APOA1: variants seen among roughly 807,000 people sequenced by gnomAD.
APOA1 encodes apolipoprotein A1, also known as apolipoprotein A-I.
A neutral mutation model predicts 25.9 loss-of-function variants in APOA1; 22 were observed. That is an observed-to-expected ratio of 0.85 (90% confidence interval 0.61 to 1.21). The LOEUF (loss-of-function observed/expected upper bound fraction) is 1.21, where lower values mean the gene tolerates loss of function less well. Among genes scored for constraint, APOA1 ranks in the 50% most tolerant of loss-of-function variants. The pLI is 0.00. For synonymous variants in APOA1, 163 were observed against 152.2 expected (o/e 1.07, Z -0.52); for missense variants, 351 against 347.9 (o/e 1.01, Z -0.07).
In APOA1 at chr11:116,836,074, C is replaced by T; in HGVS notation, c.538G>A (p.Val180Met). The T allele has an allele frequency of 1.9e-6, 3 of 1,606,024 alleles. No individual in the cohort carries two copies. The highest frequency in any genetic ancestry group is 1.7e-5 in the Admixed American group (1 of 59,812). Residue 180 changes from valine (V) to methionine (M), a missense_variant, in exon 4 of 4, where the codon GTG (valine) becomes ATG (methionine). Coordinates refer to ENST00000236850, the MANE Select transcript of APOA1 (RefSeq NM_000039.3). ...EEMRDRARAH[V>M]DALRTHLAPY... ...GCCAGATGCGTGCGCAGCGCGTCCA[C>T]ATGGGCGCGCGCGCGGTCGCGCATC...
At chr11:116,836,494 G>T in intron 3 of APOA1, 83 bp from the exon 4 acceptor site, 1 of 1,563,520 alleles carries the variant, frequency 6.4e-7, no homozygotes, top group Non-Finnish European at 8.7e-7. Flanking sequence ...ACACCTGTCC[G>T]CGGAGGTGCA....
chr11:116,837,298 G>A (rs752569013), intron 2 of APOA1, 47 bp downstream of exon 2: 1 of 1,588,976 alleles, frequency 6.3e-7, no homozygotes, highest in Non-Finnish European at 8.6e-7. Context: ...GGGGATTTAG[G>A]GAGAAAGCCC....
intron 1 of APOA1, 74 bp downstream of exon 1, chr11:116,837,531 G>A: frequency 9.5e-7 from 1 of 1,049,820 alleles, no homozygotes; most frequent in South Asian, 1.5e-5. Context: ...CAGGTACCCA[G>A]AGGCCCGGCC....
Position 116,837,042 on chromosome 11 carries a change from A to C in APOA1, c.159T>G (p.Tyr53Ter), listed in dbSNP as rs1177384340. ...AGGCGGAGCCTTCAAACTGGGACAC[A>C]TAGTCTCTGCCGCTGTCTTTGAGCA... ...VDVLKDSGRD[Y>*]VSQFEGSALG... Residue 53 changes from tyrosine (Y) to a stop codon, truncating the protein, a stop_gained, in exon 3 of 4, where the codon TAT (tyrosine) becomes TAG (stop). Coordinates refer to ENST00000236850, the MANE Select transcript of APOA1 (RefSeq NM_000039.3). LOFTEE classifies it high-confidence loss of function. 1.2e-6 allele frequency: 2 copies of C among 1,614,196 alleles called. No homozygotes were observed. The highest frequency in any genetic ancestry group is 2.2e-5 in the East Asian group (1 of 44,890).
chr11:116,837,259 T>C, intron 2 of APOA1, 86 bp downstream of exon 2: 1 of 1,585,058 alleles, frequency 6.3e-7, no homozygotes, highest in Non-Finnish European at 8.6e-7. Context: ...GTGAGAAACC[T>C]GCTGCCTCTG....
rs1401699922 is a variant in APOA1, at chr11:116,836,430, G to A, written c.201-19C>T. Reference sequence around the variant, plus strand: ...CTTTAGGCTGGAGGGTGAGACAGAAGGGTTGAGGGCTGGCCTCCCAGCGCC... The same window carrying A: ...CTTTAGGCTGGAGGGTGAGACAGAAAGGTTGAGGGCTGGCCTCCCAGCGCC... On this transcript the variant is annotated intron_variant, in intron 3 of 3. Coordinates refer to ENST00000236850, the MANE Select transcript of APOA1 (RefSeq NM_000039.3). The A allele has an allele frequency of 1.9e-6, 3 of 1,612,962 alleles. No individual in the cohort carries two copies. Among genetic ancestry groups the A allele is most frequent in the South Asian group, 1.1e-5 (1 of 91,028 alleles).
At chr11:116,837,198 G>A (rs368387223) in intron 2 of APOA1, 41 bp from the exon 3 acceptor site, 3 of 1,608,520 alleles carry the variant, frequency 1.9e-6, no homozygotes, top group African/African-American at 2.7e-5. Context: ...CCAGCTGTGG[G>A]CTGAGATCTG....
In APOA1 at chr11:116,836,255, G is replaced by T. The variant is rs1941545954; in HGVS notation, c.357C>A (p.Ala119=). The change falls in exon 4 of 4, where the codon GCC becomes GCA. Residue 119 remains alanine (A), a synonymous_variant. Transcript: ENST00000236850. The part of the protein sequence containing the change: ...EMSKDLEEVK[A]KVQPYLDDFQ... Reference sequence around the variant, plus strand: ...AGTCGTCCAGGTAGGGCTGCACCTTGGCCTTCACCTCCTCCAGATCCTTGC... The same window carrying T: ...AGTCGTCCAGGTAGGGCTGCACCTTTGCCTTCACCTCCTCCAGATCCTTGC... 1 of 1,614,198 alleles carries T rather than the reference G, an allele frequency of 6.2e-7. No homozygotes were observed. Among genetic ancestry groups the T allele is most frequent in the Non-Finnish European group, 8.5e-7 (1 of 1,180,044 alleles).
rs1368725091 is a variant in APOA1 at position 116,836,239 on chromosome 11, G to A, written c.373C>T (p.Leu125=). The A allele has an allele frequency of 1.2e-6, 2 of 1,614,072 alleles. No individual in the cohort carries two copies. The highest frequency in any genetic ancestry group is 1.7e-5 in the Admixed American group (1 of 60,010). Residue 125 remains leucine (L), a synonymous_variant, in exon 4 of 4, where the codon CTG becomes TTG. Transcript: ENST00000236850. ...EEVKAKVQPY[L]DDFQKKWQEE... is the part of the protein sequence containing the mutation. ...TGCCACTTCTTCTGGAAGTCGTCCA[G>A]GTAGGGCTGCACCTTGGCCTTCACC...
chr11:116,836,256 G>T lies in APOA1; in HGVS notation c.356C>A (p.Ala119Asp), dbSNP rs749111893. ...GTCGTCCAGGTAGGGCTGCACCTTG[G>T]CCTTCACCTCCTCCAGATCCTTGCT... Reference protein sequence around the residue: ...EMSKDLEEVKAKVQPYLDDFQ... With the variant: ...EMSKDLEEVKDKVQPYLDDFQ... Residue 119 changes from alanine to aspartate, a missense_variant, in exon 4 of 4, where the codon GCC becomes GAC. Transcript: ENST00000236850. The T allele has an allele frequency of 6.2e-7, 1 of 1,614,142 alleles. No individual in the cohort carries two copies. Among genetic ancestry groups the T allele is most frequent in the Non-Finnish European group, 8.5e-7 (1 of 1,180,026 alleles).
In APOA1 at chr11:116,835,793, G is replaced by A. The variant is rs777027692; in HGVS notation, c.*15C>T. 1.9e-6 allele frequency: 3 copies of A among 1,612,910 alleles called. No homozygotes were observed. The highest frequency in any genetic ancestry group is 2.5e-6 in the Non-Finnish European group (3 of 1,179,984). On this transcript the variant is annotated 3_prime_UTR_variant, in exon 4 of 4. Transcript: ENST00000236850. ...TTTATTCTGAGCACCGGGAAGGGGG[G>A]CGGCGGCGGGCGCCTCACTGGGTGT...
In APOA1 at chr11:116,837,607, C is replaced by T; in HGVS notation, c.-23G>A. 1.6e-6 allele frequency: 1 copy of T among 614,074 alleles called. No homozygotes were observed. The highest frequency in any genetic ancestry group is 2.9e-6 in the Non-Finnish European group (1 of 343,022). The allele number at this position is 614,074 out of a possible 1,614,324, so 38.0% of individuals were successfully genotyped here. ...CCGGGGCAGGCAGCAGGACGCACCT[C>T]CTTCTCGCAGTCTCTAAGCAGCCAG... On this transcript the variant is annotated splice_region_variant and 5_prime_UTR_variant, in exon 1 of 4. Transcript: ENST00000236850.
At chr11:116,837,205 T>A (rs759380601) in intron 2 of APOA1, 48 bp from the exon 3 acceptor site, 7 of 1,608,822 alleles carry the variant, frequency 4.4e-6, no homozygotes, top group Non-Finnish European at 5.1e-6. Flanking sequence ...TGGGCTGAGA[T>A]CTGAGCCGAA....
At chr11:116,837,484 C>A in intron 1 of APOA1, 77 bp from the exon 2 acceptor site, 1 of 1,435,402 alleles carries the variant, frequency 7.0e-7, no homozygotes, top group Non-Finnish European at 9.6e-7. Flanking sequence ...CTCATTGCAG[C>A]CAGGTGAGGA....
rs1373700967 is a variant in APOA1, at chr11:116,837,101, G to A, written c.100C>T (p.Arg34Ter). 7.4e-6 allele frequency: 12 copies of A among 1,613,978 alleles called. No individual in the cohort carries two copies. Among genetic ancestry groups the A allele is most frequent in the Non-Finnish European group, 1.0e-5 (12 of 1,179,956 alleles). ...QDEPPQSPWD[R>*]VKDLATVYVD... ...TACACAGTGGCCAGGTCCTTCACTC[G>A]ATCCCAGGGGCTCTGGGGGGGTTCA... The change falls in exon 3 of 4, where the codon CGA (arginine) becomes TGA (stop). Residue 34 changes from arginine (R) to a stop codon, truncating the protein, a stop_gained. Transcript: ENST00000236850. LOFTEE classifies it high-confidence loss of function.
In APOA1 at chr11:116,836,057, C is replaced by T. The variant is rs143182884; in HGVS notation, c.555G>A (p.Thr185=). ...GCTCGTCGCTGTAGGGGGCCAGATG[C>T]GTGCGCAGCGCGTCCACATGGGCGC... is the stretch of plus-strand genomic sequence containing the variant. ...RARAHVDALR[T]HLAPYSDELR... is the part of the protein sequence containing the mutation. The change falls in exon 4 of 4, where the codon ACG becomes ACA. Residue 185 remains threonine, a synonymous_variant. Coordinates refer to ENST00000236850, the MANE Select transcript of APOA1 (RefSeq NM_000039.3). 1.9e-6 allele frequency: 3 copies of T among 1,605,018 alleles called. No homozygotes were observed. Among genetic ancestry groups the T allele is most frequent in the Admixed American group, 1.7e-5 (1 of 59,884 alleles).
At position 116,837,333 on chromosome 11, in the gene APOA1, G is replaced by T; in HGVS notation, c.43+12C>A. 1 of 1,573,008 alleles carries T rather than the reference G, an allele frequency of 6.4e-7. No homozygotes were observed. The highest frequency in any genetic ancestry group is 2.3e-5 in the East Asian group (1 of 42,960). Reference sequence around the variant, plus strand: ...CCCCGATGGTTGGCTCCCTAGGTTAGGGGACACCTACCCGTCAGGAAGAGC... The same window carrying T: ...CCCCGATGGTTGGCTCCCTAGGTTATGGGACACCTACCCGTCAGGAAGAGC... On this transcript the variant is annotated intron_variant, in intron 2 of 3. Coordinates refer to ENST00000236850, the MANE Select transcript of APOA1 (RefSeq NM_000039.3).
intron 3 of APOA1, 74 bp from the exon 4 acceptor site, chr11:116,836,485 C>A (rs948017721): frequency 5.7e-6 from 9 of 1,585,798 alleles, no homozygotes; most frequent in Non-Finnish European, 7.7e-6. Flanking sequence ...CCCTGGGTGA[C>A]ACCTGTCCGC....
Position 116,835,969 on chromosome 11 carries a change from C to T in APOA1, c.643G>A (p.Glu215Lys). Residue 215 changes from glutamate to lysine, a missense_variant, in exon 4 of 4, where the codon GAG (glutamate) becomes AAG (lysine). Transcript: ENST00000236850. ...TGCTCGGTGGCCTTGGCGTGGTACTCGGCCAGTCTGGCGCCGCCGTTCTCC... is the reference window on the plus strand; with the variant it reads ...TGCTCGGTGGCCTTGGCGTGGTACTTGGCCAGTCTGGCGCCGCCGTTCTCC... ...LKENGGARLAEYHAKATEHLS... is the reference protein window; with the variant it reads ...LKENGGARLAKYHAKATEHLS... 1 of 1,611,098 alleles carries T rather than the reference C, an allele frequency of 6.2e-7. No homozygotes were observed. Among genetic ancestry groups the T allele is most frequent in the Non-Finnish European group, 8.5e-7 (1 of 1,179,904 alleles).
Sources: gnomAD v4.1 joint callset for allele counts on GRCh38, gnomAD v4.1.1 for gene constraint, MANE v1.5 for transcripts, NCBI Gene and HGNC (gene_info 2026-07-23, HGNC 2026-07-21) for gene names.